The following PLOD1 variants were observed in gnomAD, a reference collection of about 807,000 sequenced individuals.
PLOD1 encodes procollagen-lysine,2-oxoglutarate 5-dioxygenase 1.
In PLOD1, 70 loss-of-function variants were observed where a neutral mutation model predicts 94.7. The observed-to-expected ratio is 0.74, with a 90% CI of 0.61 to 0.90. The LOEUF (loss-of-function observed/expected upper bound fraction) is 0.90, where lower values mean the gene tolerates loss of function less well. Among genes scored for constraint, PLOD1 ranks in the 40% least tolerant of loss-of-function variants. The probability of loss-of-function intolerance (pLI) is 0.00; values close to 1 mark genes in which losing one functional copy is unlikely to be tolerated. For synonymous variants in PLOD1, 417 were observed against 400.2 expected (o/e 1.04, Z -0.50); for missense variants, 905 against 972.7 (o/e 0.93, Z 0.93).
intron 1 of PLOD1, among the ~76,000 whole-genome samples, chr1:11,941,228 G>C (rs1645612946): frequency 6.6e-6 from 1 of 152,052 alleles, no homozygotes. Context: ...AAAGTACTTT[G>C]TTTGTTTGTT....
chr1:11,970,180 G>A (rs1296552983), intron 16 of PLOD1, among the ~76,000 whole-genome samples: 1 of 152,172 alleles, frequency 6.6e-6, no homozygotes, highest in Admixed American at 6.5e-5. Context: ...GAACTCAGGC[G>A]GTGGAGGTTG....
intron 10 of PLOD1, among the ~76,000 whole-genome samples, chr1:11,961,750 C>T (rs1006469101): frequency 3.3e-5 from 5 of 152,196 alleles, no homozygotes; most frequent in Admixed American, 6.5e-5. Context: ...GCTGGGACTA[C>T]AGGCATGTGC....
At chr1:11,953,492 G>A (rs966774281) in intron 5 of PLOD1, among the ~76,000 whole-genome samples, 1 of 151,612 alleles carries the variant, frequency 6.6e-6, no homozygotes, top group African/African-American at 2.4e-5. Context: ...TGTTTTTTCC[G>A]TTATGAAATG....
intron 4 of PLOD1, 138 bp downstream of exon 4, chr1:11,950,658 CTTTTCA>C: frequency 2.8e-6 from 2 of 707,342 alleles, no homozygotes; most frequent in Non-Finnish European, 4.8e-6. Flanking sequence ...GAGCTCCTGA[CTTTTCA>C]ACCCCAAATG....
At chr1:11,973,102 G>A in intron 18 of PLOD1, 105 bp downstream of exon 18, 1 of 1,243,330 alleles carries the variant, frequency 8.0e-7, no homozygotes, top group South Asian at 1.2e-5. Context: ...CAGGTAACCA[G>A]TGCCAGAGAA....
At chr1:11,951,697 A>C (rs1645703643) in intron 4 of PLOD1, among the ~76,000 whole-genome samples, 1 of 149,812 alleles carries the variant, frequency 6.7e-6, no homozygotes, top group Non-Finnish European at 1.5e-5. Flanking sequence ...AGGTGGGCGG[A>C]TCACGAGGTC....
At chr1:11,959,360 T>C (rs1238132333) in intron 9 of PLOD1, among the ~76,000 whole-genome samples, 1 of 152,126 alleles carries the variant, frequency 6.6e-6, no homozygotes, top group Non-Finnish European at 1.5e-5. Context: ...TTCTAACTGT[T>C]GTCATCTTCA....
Position 11,951,295 on chromosome 1 carries a change from G to T in PLOD1, c.466+775G>T, listed in dbSNP as rs540612990. ...CGATGCAAATCCAAGGCCAGGCGCG[G>T]TGGCTCACGCCTGTAATGTCAGCAC... On this transcript the variant is annotated intron_variant, in intron 4 of 18. Transcript: ENST00000196061. Among the ~76,000 whole-genome samples the T allele has an allele frequency of 6.3e-3, 965 of 152,142 alleles. 13 individuals are homozygous for T. Among genetic ancestry groups the T allele is most frequent in the African/African-American group, 0.021 (876 of 41,510 alleles).
At chr1:11,941,931 A>G (rs1317440668) in intron 1 of PLOD1, among the ~76,000 whole-genome samples, 1 of 149,452 alleles carries the variant, frequency 6.7e-6, no homozygotes, top group African/African-American at 2.5e-5. Flanking sequence ...TGATCTGTCC[A>G]CCTTGGCCTC....
Position 11,963,428 on chromosome 1 carries a change from C to T in PLOD1, c.1098-104C>T, listed in dbSNP as rs1645792316. The T allele has an allele frequency of 1.0e-5, 8 of 768,036 alleles. No individual in the cohort carries two copies. The highest frequency in any genetic ancestry group is 1.8e-5 in the Non-Finnish European group (8 of 435,260). 47.6% of individuals were successfully genotyped at this position (768,036 alleles called of 1,614,324 possible). Reference sequence around the variant, plus strand: ...GGCTGCTGGTGTGACCTCTCTAAAGCCCCTTGGCTGATATGTGGTGAAGCC... The same window carrying T: ...GGCTGCTGGTGTGACCTCTCTAAAGTCCCTTGGCTGATATGTGGTGAAGCC... On this transcript the variant is annotated intron_variant, in intron 10 of 18. Transcript: ENST00000196061. This position sits in a 1 kb window ranked among gnomAD's most constrained non-coding sequence, Gnocchi z 4.3.
chr1:11,950,665 A>G, intron 4 of PLOD1, 145 bp downstream of exon 4: 3 of 685,706 alleles, frequency 4.4e-6, no homozygotes, highest in Non-Finnish European at 5.0e-6. Flanking sequence ...TGACTTTTCA[A>G]CCCCAAATGT....
chr1:11,936,116 A>G (rs1322376659), intron 1 of PLOD1, among the ~76,000 whole-genome samples: 1 of 152,142 alleles, frequency 6.6e-6, no homozygotes, highest in Non-Finnish European at 1.5e-5. Context: ...GGCGTGAGCC[A>G]CCACACCTGG....
chr1:11,964,392 T>C (rs1645801278), intron 12 of PLOD1, 92 bp downstream of exon 12: 2 of 1,343,110 alleles, frequency 1.5e-6, no homozygotes, highest in Non-Finnish European at 2.1e-6. Flanking sequence ...TTCCTGTTCT[T>C]GTTACCCTCA....
At position 11,934,856 on chromosome 1, in the gene PLOD1, G is replaced by A; in HGVS notation, c.76+1G>A. ...GCGAAGGGCGACGCCAAGCCGGAGG[G>A]TGAGGGAGCGAAGGCCGGGGGCGGG... On this transcript the variant is annotated splice_donor_variant, in intron 1 of 18. Coordinates refer to ENST00000196061, the MANE Select transcript of PLOD1 (RefSeq NM_000302.4). LOFTEE classifies it high-confidence loss of function. 1.3e-6 allele frequency: 2 copies of A among 1,537,466 alleles called. No individual in the cohort carries two copies. The highest frequency in any genetic ancestry group is 1.2e-5 in the South Asian group (1 of 83,414).
chr1:11,937,225 C>T (rs113232591), intron 1 of PLOD1, among the ~76,000 whole-genome samples: 30 of 152,222 alleles, frequency 2.0e-4, no homozygotes, highest in African/African-American at 6.8e-4. Flanking sequence ...GTAAAGCCGG[C>T]GGTGCTTGCT....
At chr1:11,952,510 G>A (rs1171101495) in intron 4 of PLOD1, 113 bp from the exon 5 acceptor site, 5 of 783,296 alleles carry the variant, frequency 6.4e-6, no homozygotes, top group Middle Eastern at 2.3e-4. Flanking sequence ...GAGGTGACAG[G>A]GTTTGTGGGC....
intron 4 of PLOD1, 81 bp downstream of exon 4, chr1:11,950,601 T>G: frequency 7.6e-7 from 1 of 1,316,738 alleles, no homozygotes; most frequent in Non-Finnish European, 1.1e-6. Flanking sequence ...TTGTTTGACG[T>G]GCAATCTGGG....
At chr1:11,966,865 C>A in intron 15 of PLOD1, 122 bp from the exon 16 acceptor site, 1 of 753,512 alleles carries the variant, frequency 1.3e-6, no homozygotes. Context: ...CCAGGATTGA[C>A]AAGGCCCTGC....
chr1:11,952,817 G>C, intron 5 of PLOD1, 82 bp downstream of exon 5: 1 of 984,128 alleles, frequency 1.0e-6, no homozygotes, highest in Admixed American at 1.8e-5. Context: ...TCTCAGGCCT[G>C]AACCCCTGGG....
Sources: allele counts gnomAD v4.1 joint callset (sites outside exome capture counted in the v4.1 genomes callset), GRCh38; gene constraint gnomAD v4.1.1; non-coding constraint Gnocchi (gnomAD v3.1); transcripts MANE v1.5; gene names NCBI Gene and HGNC (gene_info 2026-07-23, HGNC 2026-07-21).